ZNF316: variants seen among roughly 807,000 people sequenced by gnomAD.
ZNF316 encodes the protein zinc finger protein 316.
A neutral mutation model predicts 75.6 loss-of-function variants in ZNF316; 23 were observed. The observed-to-expected ratio is 0.30, with a 90% CI of 0.22 to 0.43. The LOEUF (loss-of-function observed/expected upper bound fraction) is 0.43. ZNF316 is among the 20% of genes least tolerant of loss of function. ZNF316 has a pLI of 1.00. For missense variants in ZNF316, 1,266 were observed against 1,409.4 expected (o/e 0.90, Z 1.63); for synonymous variants, 827 against 666.2 (o/e 1.24, Z -3.72).
chr7:6,654,780 G>A lies in ZNF316; in HGVS notation c.*169G>A. 1 of 519,226 alleles carries A rather than the reference G, an allele frequency of 1.9e-6. No individual in the cohort carries two copies. The highest frequency in any genetic ancestry group is 9.8e-5 in the South Asian group (1 of 10,242). 32.2% of individuals were successfully genotyped at this position (519,226 alleles called of 1,614,324 possible). ...CGGGTCTCATGCCCGCCGGGTCCGT[G>A]TGCTCAGCCGGAGACGTGGGGGAGC... On this transcript the variant is annotated 3_prime_UTR_variant, in exon 9 of 9. Transcript: ENST00000382252.
chr7:6,650,016 T>C (rs1779479350), intron 8 of ZNF316, among the ~76,000 whole-genome samples: 1 of 152,192 alleles, frequency 6.6e-6, no homozygotes, highest in Non-Finnish European at 1.5e-5. Context: ...TATTATCCAG[T>C]AAATGCTCGC....
In ZNF316 at chr7:6,656,639, C is replaced by T. The variant is rs1215346521; in HGVS notation, c.*2028C>T. On this transcript the variant is annotated 3_prime_UTR_variant, in exon 9 of 9. Transcript: ENST00000382252. ...CCATGCCCACCGTATTCCTTGGTGG[C>T]CCCCACGCTGCCCCACACTTGATGT... Among the ~76,000 whole-genome samples, 2 of 152,206 alleles carry T rather than the reference C, an allele frequency of 1.3e-5. No individual in the cohort carries two copies. The highest frequency in any genetic ancestry group is 2.9e-5 in the Non-Finnish European group (2 of 68,022).
rs926612418 is a variant in ZNF316 at position 6,654,840 on chromosome 7, C to T, written c.*229C>T. On this transcript the variant is annotated 3_prime_UTR_variant, in exon 9 of 9. Transcript: ENST00000382252. ...AAGAGCAGCGCGGAGGCAGCGAGGC[C>T]AGGACGTCACCCCCACGGAGACTGC... 1.2e-4 allele frequency: 36 copies of T among 301,240 alleles called. 1 individual carries two copies. Among genetic ancestry groups the T allele is most frequent in the Non-Finnish European group, 5.3e-5 (9 of 169,596 alleles). 18.7% of individuals were successfully genotyped at this position (301,240 alleles called of 1,614,324 possible). A position where few individuals can be genotyped will look rare whatever the true frequency, so the allele number is the denominator to read the frequency against.
chr7:6,637,683 C>G lies in ZNF316; in HGVS notation c.-430-163C>G, dbSNP rs1370271977. Among the ~76,000 whole-genome samples, 1 of 151,240 alleles carries G rather than the reference C, an allele frequency of 6.6e-6. No homozygotes were observed. Among genetic ancestry groups the G allele is most frequent in the East Asian group, 2.0e-4 (1 of 5,118 alleles). ...ACCCCCGTCCGGGCCTGCGCGTTGCCGACCCCCGGGGCCGGTCCGGGCAGG... is the reference window on the plus strand; with the variant it reads ...ACCCCCGTCCGGGCCTGCGCGTTGCGGACCCCCGGGGCCGGTCCGGGCAGG... On this transcript the variant is annotated intron_variant, in intron 1 of 8. Coordinates refer to ENST00000382252, the MANE Select transcript of ZNF316 (RefSeq NM_001278559.2). This position sits in a 1 kb window ranked among gnomAD's most constrained non-coding sequence, Gnocchi z 6.2.
At chr7:6,646,517 G>A (rs1172248572) in intron 8 of ZNF316, among the ~76,000 whole-genome samples, 1 of 152,218 alleles carries the variant, frequency 6.6e-6, no homozygotes, top group Non-Finnish European at 1.5e-5. Context: ...CTGTGCACCT[G>A]GCTGGGGTTT....
rs1053041187 is a variant in ZNF316 at position 6,649,944 on chromosome 7, G to C, written c.707-2359G>C. On this transcript the variant is annotated intron_variant, in intron 8 of 8. Coordinates refer to ENST00000382252, the MANE Select transcript of ZNF316 (RefSeq NM_001278559.2). ...GTGATGGGAGGAGCCTCCCAGCTCT[G>C]GGCAGCTGAGACTTCTGTGGGCAAG... 3.3e-5 allele frequency among the ~76,000 whole-genome samples: 5 copies of C among 152,200 alleles called. No individual in the cohort carries two copies. The East Asian group carries it at 9.6e-4, about 29-fold the overall frequency.
At chr7:6,645,084 G>A (rs1192630522) in intron 8 of ZNF316, among the ~76,000 whole-genome samples, 1 of 152,248 alleles carries the variant, frequency 6.6e-6, no homozygotes, top group African/African-American at 2.4e-5. Context: ...GGAGGTTTTG[G>A]AGTGATGGGT....
rs369196609 is a variant in ZNF316 at position 6,643,029 on chromosome 7, G to A, written c.421G>A (p.Glu141Lys). 1 of 1,240,376 alleles carries A rather than the reference G, an allele frequency of 8.1e-7. No individual in the cohort carries two copies. Among genetic ancestry groups the A allele is most frequent in the African/African-American group, 1.5e-5 (1 of 64,776 alleles). 76.8% of individuals were successfully genotyped at this position (1,240,376 alleles called of 1,614,324 possible). Reference protein sequence around the residue: ...DEDLEEEEEEEEDEDEDDLLT... With the variant: ...DEDLEEEEEEKEDEDEDDLLT... ...GGACCTGGAGGAGGAGGAAGAGGAG[G>A]AGGAGGATGAGGACGAGGATGATTT... The change falls in exon 6 of 9, where the codon GAG becomes AAG. Residue 141 changes from glutamate (E) to lysine (K), a missense_variant. Coordinates refer to ENST00000382252, the MANE Select transcript of ZNF316 (RefSeq NM_001278559.2).
In ZNF316 at chr7:6,639,783, G is replaced by A. The variant is rs1779280515; in HGVS notation, c.-167+642G>A. On this transcript the variant is annotated intron_variant, in intron 3 of 8. Transcript: ENST00000382252. This position sits in a 1 kb window ranked among gnomAD's most constrained non-coding sequence, Gnocchi z 4.2. ...CTGGGCCTCAAGTGGGTGGCAGTTG[G>A]GAAACCGTTGCTGCGTGTACCCAGC... 6.6e-6 allele frequency among the ~76,000 whole-genome samples: 1 copy of A among 152,198 alleles called. No individual in the cohort carries two copies. Among genetic ancestry groups the A allele is most frequent in the African/African-American group, 2.4e-5 (1 of 41,432 alleles).
rs924330036 is a variant in ZNF316, at chr7:6,658,117, C to T, written c.*3506C>T. Among the ~76,000 whole-genome samples the T allele has an allele frequency of 6.6e-6, 1 of 152,084 alleles. No homozygotes were observed. The highest frequency in any genetic ancestry group is 6.6e-5 in the Admixed American group (1 of 15,242). ...CTTTCTCTTTTGCCGGTTTCCCCAA[C>T]CTCCTTCCTTTTCTGATTCATTCCT... is the stretch of plus-strand genomic sequence containing the variant. On this transcript the variant is annotated 3_prime_UTR_variant, in exon 9 of 9. Coordinates refer to ENST00000382252, the MANE Select transcript of ZNF316 (RefSeq NM_001278559.2).
At chr7:6,645,407 G>A (rs1779382408) in intron 8 of ZNF316, among the ~76,000 whole-genome samples, 1 of 152,198 alleles carries the variant, frequency 6.6e-6, no homozygotes, top group Non-Finnish European at 1.5e-5. Context: ...ATACAAGCTG[G>A]GTGCGGTGGC....
At chr7:6,651,971 G>A (rs1779514702) in intron 8 of ZNF316, among the ~76,000 whole-genome samples, 1 of 152,160 alleles carries the variant, frequency 6.6e-6, no homozygotes, top group Non-Finnish European at 1.5e-5. Context: ...AGTTTGCCCC[G>A]TTCCTCAGCA....
In ZNF316 at chr7:6,642,426, C is replaced by T. The variant is rs568804170; in HGVS notation, c.17C>T (p.Thr6Met). The change falls in exon 5 of 9, where the codon ACG becomes ATG. Residue 6 changes from threonine (T) to methionine (M), a missense_variant. Physicochemically the swap from Thr to Met is moderately conservative, Grantham distance 81. This residue lies in a region of ZNF316 where 961 missense variants were observed against 990.9 expected (regional missense o/e 0.97). Coordinates refer to ENST00000382252, the MANE Select transcript of ZNF316 (RefSeq NM_001278559.2). This position sits in a 1 kb window ranked among gnomAD's most constrained non-coding sequence, Gnocchi z 8.1. ...CCAGGGAGGATGGCGGCGCTCCACA[C>T]GACTCCCGACTCCCCAGCTGCCCAG... MAALH[T>M]TPDSPAAQLE... 14 of 1,232,188 alleles carry T rather than the reference C, an allele frequency of 1.1e-5. No homozygotes were observed. Among genetic ancestry groups the T allele is most frequent in the South Asian group, 4.1e-5 (1 of 24,314 alleles). 76.3% of individuals were successfully genotyped at this position (1,232,188 alleles called of 1,614,324 possible). A position where few individuals can be genotyped will look rare whatever the true frequency, so the allele number is the denominator to read the frequency against.
intron 8 of ZNF316, among the ~76,000 whole-genome samples, chr7:6,646,576 C>T (rs950245859): frequency 9.9e-5 from 15 of 152,128 alleles, no homozygotes; most frequent in African/African-American, 3.1e-4. Context: ...GCATCCCCTG[C>T]GGATGGTCGT....
intron 8 of ZNF316, among the ~76,000 whole-genome samples, chr7:6,644,966 G>A (rs1349041562): frequency 2.0e-5 from 3 of 152,148 alleles, no homozygotes; most frequent in Non-Finnish European, 2.9e-5. Flanking sequence ...CTGCTTCTCC[G>A]CCCACTTGGC....
At chr7:6,646,128 C>T (rs1291887822) in intron 8 of ZNF316, among the ~76,000 whole-genome samples, 3 of 152,026 alleles carry the variant, frequency 2.0e-5, no homozygotes, top group African/African-American at 7.2e-5. Context: ...GTGCGGATTA[C>T]AATTGGAGAT....
In ZNF316 at chr7:6,652,699, C is replaced by T. The variant is rs1001397984; in HGVS notation, c.1103C>T (p.Ala368Val). Residue 368 changes from alanine (A) to valine (V), a missense_variant, in exon 9 of 9, where the codon GCG (alanine) becomes GTG (valine). Ala to Val is a moderately conservative substitution (Grantham distance 64). Around this residue, in one of 3 missense-constraint regions of ZNF316, gnomAD observed 961 missense variants for 990.9 expected, o/e 0.97. Transcript: ENST00000382252. Reference protein sequence around the residue: ...SRLAKHQRYHAAVKPFGCEEC... With the variant: ...SRLAKHQRYHVAVKPFGCEEC... ...CTGGCCAAGCACCAGCGCTACCACG[C>T]GGCCGTCAAGCCCTTCGGCTGCGAG... The T allele has an allele frequency of 4.9e-4, 605 of 1,236,056 alleles. 1 individual carries two copies. Among genetic ancestry groups the T allele is most frequent in the Non-Finnish European group, 5.9e-4 (580 of 989,824 alleles). 76.6% of individuals were successfully genotyped at this position (1,236,056 alleles called of 1,614,324 possible).
intron 8 of ZNF316, among the ~76,000 whole-genome samples, chr7:6,650,582 G>A (rs535048436): frequency 1.3e-5 from 2 of 152,298 alleles, no homozygotes; most frequent in Admixed American, 6.5e-5. Flanking sequence ...AGGGGCCAGC[G>A]TGCGACATGA....
rs376531538 is a variant in ZNF316 at position 6,640,855 on chromosome 7, C to T, written c.-166-970C>T. On this transcript the variant is annotated intron_variant, in intron 3 of 8. Transcript: ENST00000382252. This position sits in a 1 kb window ranked among gnomAD's most constrained non-coding sequence, Gnocchi z 5.1. ...GTTTTAAAAGAGTGGGGCTTCCTCCCTCTCTCTTGCTGCCCCTTTGCCTCC... is the reference window on the plus strand; with the variant it reads ...GTTTTAAAAGAGTGGGGCTTCCTCCTTCTCTCTTGCTGCCCCTTTGCCTCC... Among the ~76,000 whole-genome samples the T allele has an allele frequency of 6.0e-4, 92 of 152,310 alleles. No homozygotes were observed. Among genetic ancestry groups the T allele is most frequent in the Non-Finnish European group, 1.2e-3 (85 of 68,024 alleles).
Sources: allele counts gnomAD v4.1 joint callset (sites outside exome capture counted in the v4.1 genomes callset), GRCh38; gene constraint gnomAD v4.1.1; regional missense constraint gnomAD v4.1.1; non-coding constraint Gnocchi (gnomAD v3.1); transcripts MANE v1.5; gene names NCBI Gene and HGNC (gene_info 2026-07-23, HGNC 2026-07-21).